The following RERE variants were observed in gnomAD, a reference collection of about 807,000 sequenced individuals.
RERE encodes the protein arginine-glutamic acid dipeptide repeats, also known as arginine-glutamic acid dipeptide repeats protein.
RERE carries 40 observed loss-of-function variants against 146.1 expected under a neutral mutation model. That is an observed-to-expected ratio of 0.27 (90% CI 0.21 to 0.36). RERE has a LOEUF of 0.36. Among genes scored for constraint, RERE ranks in the 10% least tolerant of loss-of-function variants. The pLI, the probability that RERE is intolerant of heterozygous loss-of-function variation, is 1.00. For missense variants in RERE, 1,933 were observed against 2,138.7 expected (o/e 0.90, Z 1.90); for synonymous variants, 1,003 against 866.0 (o/e 1.16, Z -2.78).
intron 2 of RERE, among the ~76,000 whole-genome samples, chr1:8,639,211 A>G (rs1441750862): frequency 2.0e-5 from 3 of 152,216 alleles, no homozygotes; most frequent in Non-Finnish European, 4.4e-5. Context: ...TAGAGAAACA[A>G]CACTGAAAAG....
chr1:8,817,504 CAG>C lies in RERE; in HGVS notation c.-491_-490del, dbSNP rs1393437543. 1 of 144,592 alleles carries C rather than the reference CAG, an allele frequency of 6.9e-6. No individual in the cohort carries two copies. The highest frequency in any genetic ancestry group is 1.5e-5 in the Non-Finnish European group (1 of 66,584). 9.0% of individuals were successfully genotyped at this position (144,592 alleles called of 1,614,324 possible). On this transcript the variant is annotated 5_prime_UTR_variant, in exon 1 of 23. Coordinates refer to ENST00000400908, the MANE Select transcript of RERE (RefSeq NM_001042681.2). ...TCCTCAACTAGGAGAGAAAATGAGG[CAG>C]AGACAATGTGGGGAGCGAGAGAGGG...
intron 1 of RERE, among the ~76,000 whole-genome samples, chr1:8,690,452 C>T (rs34703782): frequency 0.025 from 3,779 of 152,278 alleles, 67 homozygotes; most frequent in Non-Finnish European, 0.035. Context: ...ATTCAGTCCA[C>T]GGCACTCGCC....
At chr1:8,599,615 A>G (rs1164400650) in intron 4 of RERE, among the ~76,000 whole-genome samples, 2 of 152,218 alleles carry the variant, frequency 1.3e-5, no homozygotes, top group African/African-American at 2.4e-5. Context: ...CTACTGACTA[A>G]TTTTAATATG....
intron 7 of RERE, among the ~76,000 whole-genome samples, chr1:8,530,054 C>A (rs554815555): frequency 1.5e-3 from 230 of 152,278 alleles, no homozygotes; most frequent in Admixed American, 5.4e-3. Flanking sequence ...TCTAGCCCAT[C>A]GTTTGCCAGC....
chr1:8,438,669 C>T (rs1404649706), intron 11 of RERE, among the ~76,000 whole-genome samples: 3 of 152,094 alleles, frequency 2.0e-5, no homozygotes, highest in African/African-American at 7.2e-5. Context: ...TCCGGCTAGC[C>T]ATGAACACTC....
chr1:8,560,394 A>G (rs6577503), intron 4 of RERE, among the ~76,000 whole-genome samples: 3,337 of 152,340 alleles, frequency 0.022, 62 homozygotes, highest in Non-Finnish European at 0.037. Context: ...TCACTGGTCT[A>G]GTAATTCATT....
At chr1:8,628,721 T>C (rs1185782857) in intron 2 of RERE, among the ~76,000 whole-genome samples, 1 of 152,214 alleles carries the variant, frequency 6.6e-6, no homozygotes, top group Admixed American at 6.5e-5. Context: ...GTGCTTTATT[T>C]GAAAAGGGAA....
chr1:8,714,557 G>A (rs1223444048), intron 1 of RERE, among the ~76,000 whole-genome samples: 1 of 152,048 alleles, frequency 6.6e-6, no homozygotes, highest in African/African-American at 2.4e-5. Context: ...CCCTTCTCAG[G>A]AAAATACTTC....
intron 1 of RERE, among the ~76,000 whole-genome samples, chr1:8,689,701 T>C (rs753508608): frequency 1.3e-5 from 2 of 151,958 alleles, no homozygotes; most frequent in Admixed American, 1.3e-4. Flanking sequence ...AAAATAAAGG[T>C]TATATTCTTC....
At chr1:8,584,263 T>C (rs1186529937) in intron 4 of RERE, among the ~76,000 whole-genome samples, 3 of 151,820 alleles carry the variant, frequency 2.0e-5, no homozygotes, top group Admixed American at 1.3e-4. Flanking sequence ...GTAACAAATA[T>C]TAAAAATAGG....
chr1:8,510,418 G>A (rs1244594837), intron 7 of RERE, among the ~76,000 whole-genome samples: 1 of 152,158 alleles, frequency 6.6e-6, no homozygotes, highest in Non-Finnish European at 1.5e-5. Context: ...TTGCATGTGG[G>A]CTGACTTCAT....
intron 2 of RERE, among the ~76,000 whole-genome samples, chr1:8,631,897 CCA>C (rs1435824125): frequency 6.6e-6 from 1 of 152,164 alleles, no homozygotes; most frequent in African/African-American, 2.4e-5. Flanking sequence ...GCTTGTGGCA[CCA>C]CAGACACAAA....
At chr1:8,774,214 C>T (rs1641011701) in intron 1 of RERE, among the ~76,000 whole-genome samples, 1 of 152,156 alleles carries the variant, frequency 6.6e-6, no homozygotes, top group African/African-American at 2.4e-5. Context: ...GTTCTCCAGC[C>T]TCAACTGTAC....
At chr1:8,750,899 A>G (rs1009960785) in intron 1 of RERE, 13 of 831,956 alleles carry the variant, frequency 1.6e-5, no homozygotes, top group African/African-American at 6.7e-5. Flanking sequence ...CTACAAGCAT[A>G]GTTATGGCAA....
intron 1 of RERE, among the ~76,000 whole-genome samples, chr1:8,791,882 G>A (rs985673217): frequency 2.0e-5 from 3 of 152,156 alleles, no homozygotes; most frequent in African/African-American, 7.2e-5. Context: ...TAAAGACAAA[G>A]GACACCATCA....
At chr1:8,558,799 CT>C (rs547248273) in intron 4 of RERE, among the ~76,000 whole-genome samples, 128 of 137,728 alleles carry the variant, frequency 9.3e-4, no homozygotes, top group Middle Eastern at 3.9e-3. Flanking sequence ...TTTTCCTTTT[CT>C]TTTTTTTTTT....
intron 1 of RERE, among the ~76,000 whole-genome samples, chr1:8,720,793 C>T (rs1346356854): frequency 1.3e-5 from 2 of 152,184 alleles, no homozygotes; most frequent in African/African-American, 4.8e-5. Flanking sequence ...CAGTGGCTCA[C>T]GCCTGTAATC....
At position 8,731,214 on chromosome 1, in the gene RERE, T is replaced by C. The variant is rs1232880168; in HGVS notation, c.-144-74773A>G. Among the ~76,000 whole-genome samples, 7 of 152,240 alleles carry C rather than the reference T, an allele frequency of 4.6e-5. No individual in the cohort carries two copies. The South Asian group carries it at 1.5e-3, about 32-fold the overall frequency. ...GTTAAAACTTCTGGAGGTCCAGACT[T>C]AAGAGGGACCTATATAGCTTTTACC... On this transcript the variant is annotated intron_variant, in intron 1 of 22. Transcript: ENST00000400908.
intron 4 of RERE, among the ~76,000 whole-genome samples, chr1:8,602,467 A>G (rs1345420897): frequency 2.7e-5 from 4 of 150,654 alleles, no homozygotes; most frequent in Admixed American, 2.7e-4. Flanking sequence ...ATGCATGTAT[A>G]TGTTTTATAA....
Sources: gnomAD v4.1 joint callset for allele counts (sites outside exome capture counted in the v4.1 genomes callset) on GRCh38, gnomAD v4.1.1 for gene constraint, MANE v1.5 for transcripts, NCBI Gene and HGNC (gene_info 2026-07-23, HGNC 2026-07-21) for gene names.